Variants in TACC2 observed in about 807,000 individuals in gnomAD.
TACC2 encodes transforming acidic coiled-coil containing protein 2, also known as transforming acidic coiled-coil-containing protein 2.
A neutral mutation model predicts 227.3 loss-of-function variants in TACC2; 137 were observed. The ratio of observed to expected loss-of-function variants is 0.60; its 90% CI spans 0.52 to 0.69. The LOEUF (loss-of-function observed/expected upper bound fraction) is 0.69. TACC2 is among the 30% of genes least tolerant of loss of function. The pLI, the probability that TACC2 is intolerant of heterozygous loss-of-function variation, is 0.00. For missense variants in TACC2, 3,470 were observed against 3,694.4 expected (o/e 0.94, Z 1.57); for synonymous variants, 1,523 against 1,487.5 (o/e 1.02, Z -0.55).
Position 122,211,690 on chromosome 10 carries a change from A to G in TACC2, c.7265A>G (p.Lys2422Arg), listed in dbSNP as rs2095296180. The G allele has an allele frequency of 6.4e-7, 1 of 1,558,388 alleles. No homozygotes were observed. Residue 2422 changes from lysine to arginine, a missense_variant, in exon 9 of 23, where the codon AAG (lysine) becomes AGG (arginine). Coordinates refer to ENST00000369005, the MANE Select transcript of TACC2 (RefSeq NM_206862.4). ...GGGCTAAACAAGCCCGCCAAGAAGA[A>G]GAAGACGCCCCTAAAGACGTAAGTT... The part of the protein sequence containing the change: ...GDGLNKPAKK[K>R]KTPLKTDTFR...
At chr10:122,104,413 G>C (rs1019219606) in intron 5 of TACC2, among the ~76,000 whole-genome samples, 22 of 151,816 alleles carry the variant, frequency 1.4e-4, no homozygotes, top group Non-Finnish European at 3.1e-4. Context: ...CTGTCACCCA[G>C]GCTGGAGTGC....
At chr10:122,217,796 C>T (rs997339319) in intron 11 of TACC2, among the ~76,000 whole-genome samples, 5 of 151,960 alleles carry the variant, frequency 3.3e-5, no homozygotes, top group Non-Finnish European at 7.4e-5. Context: ...GGAGGGATGA[C>T]CCCATTGCCC....
chr10:122,249,793 G>A, intron 22 of TACC2, 129 bp downstream of exon 22: 1 of 1,157,422 alleles, frequency 8.6e-7, no homozygotes, highest in Non-Finnish European at 1.2e-6. Flanking sequence ...TGCTTCATGA[G>A]CATACCCTTG....
intron 3 of TACC2, among the ~76,000 whole-genome samples, chr10:122,070,924 G>GAA (rs552998858): frequency 7.0e-6 from 1 of 142,912 alleles, no homozygotes; most frequent in Admixed American, 7.0e-5. Context: ...ACCCTGTCTG[G>GAA]AAAAAAAAAA....
chr10:122,237,206 A>G (rs1303914303), intron 16 of TACC2, among the ~76,000 whole-genome samples, 189 bp from the exon 17 acceptor site: 1 of 152,160 alleles, frequency 6.6e-6, no homozygotes, highest in African/African-American at 2.4e-5. Context: ...CAGGTGCAGA[A>G]TGATAGATCT....
chr10:122,061,268 G>A (rs1196727320), intron 3 of TACC2, among the ~76,000 whole-genome samples: 1 of 112,108 alleles, frequency 8.9e-6, no homozygotes, highest in Non-Finnish European at 1.7e-5. Flanking sequence ...CCGAGATGGC[G>A]CCACTGCACT....
rs558428837 is a variant in TACC2, at chr10:122,125,507, T to C, written c.5574-7102T>C. Among the ~76,000 whole-genome samples the C allele has an allele frequency of 1.0e-3, 157 of 152,258 alleles. 5 individuals are homozygous for C. The South Asian group carries it at 0.032, about 31-fold the overall frequency. ...GAGCCACCATGCCCGTCCCATGACCTTTATGAGTACAGCTCCTTCACGCTG... is the reference window on the plus strand; with the variant it reads ...GAGCCACCATGCCCGTCCCATGACCCTTATGAGTACAGCTCCTTCACGCTG... On this transcript the variant is annotated intron_variant, in intron 5 of 22. Coordinates refer to ENST00000369005, the MANE Select transcript of TACC2 (RefSeq NM_206862.4).
intron 16 of TACC2, among the ~76,000 whole-genome samples, chr10:122,236,800 A>G (rs996833168): frequency 2.0e-5 from 3 of 152,238 alleles, no homozygotes; most frequent in Non-Finnish European, 4.4e-5. Context: ...TAACTCTAAC[A>G]TAACTCCAAC....
rs142742438 is a variant in TACC2 at position 122,010,715 on chromosome 10, C to A, written c.-45-11222C>A. ...ATCCTTTGGGATACAATGCTTAGAT[C>A]TTCATGACTGCCAGCCACAATTGGG... On this transcript the variant is annotated intron_variant, in intron 1 of 22. Transcript: ENST00000369005. Among the ~76,000 whole-genome samples the A allele has an allele frequency of 2.0e-3, 308 of 152,280 alleles. 2 individuals are homozygous for A. The highest frequency in any genetic ancestry group is 7.1e-3 in the African/African-American group (294 of 41,560).
chr10:122,178,672 C>T (rs539652411), intron 7 of TACC2, among the ~76,000 whole-genome samples: 2 of 152,244 alleles, frequency 1.3e-5, no homozygotes, highest in South Asian at 2.1e-4. Context: ...TCACTTAAGG[C>T]CAGGAATTTG....
intron 1 of TACC2, among the ~76,000 whole-genome samples, chr10:122,018,920 G>C (rs1957008843): frequency 6.6e-6 from 1 of 152,172 alleles, no homozygotes; most frequent in Non-Finnish European, 1.5e-5. Context: ...CCTGGTCTCC[G>C]GGAAGCCTTT....
intron 3 of TACC2, among the ~76,000 whole-genome samples, chr10:122,069,244 AT>A (rs141058517): frequency 0.023 from 3,433 of 149,072 alleles, 65 homozygotes; most frequent in African/African-American, 0.047. Flanking sequence ...TATTTTATTT[AT>A]TTTTTTTTTT....
At chr10:122,008,033 T>A (rs945100973) in intron 1 of TACC2, among the ~76,000 whole-genome samples, 3 of 152,184 alleles carry the variant, frequency 2.0e-5, no homozygotes, top group Non-Finnish European at 1.5e-5. Context: ...TGTGGCTCCT[T>A]AACCTTGGAT....
intron 5 of TACC2, among the ~76,000 whole-genome samples, chr10:122,094,698 T>G (rs1565289167): frequency 6.6e-6 from 1 of 152,212 alleles, no homozygotes; most frequent in Non-Finnish European, 1.5e-5. Context: ...TGCCACCACC[T>G]TGGCTTCTGG....
chr10:122,028,084 C>CTTTCTT (rs1554967439), intron 2 of TACC2, among the ~76,000 whole-genome samples: 18 of 91,740 alleles, frequency 2.0e-4, no homozygotes, highest in African/African-American at 8.6e-4. Flanking sequence ...TTCTTTCTTT[C>CTTTCTT]TTTTTTTTTT....
intron 5 of TACC2, among the ~76,000 whole-genome samples, chr10:122,099,620 C>T (rs1417542120): frequency 1.3e-5 from 2 of 152,208 alleles, no homozygotes; most frequent in Non-Finnish European, 2.9e-5. Context: ...CAAGCACTGG[C>T]CCAACTGGCT....
intron 8 of TACC2, among the ~76,000 whole-genome samples, chr10:122,195,427 T>C (rs1372351647): frequency 6.6e-6 from 1 of 152,210 alleles, no homozygotes; most frequent in African/African-American, 2.4e-5. Context: ...AGGAGGGCAG[T>C]GGGTCTCGGA....
In TACC2 at chr10:122,086,096, A is replaced by G. The variant is rs1270778148; in HGVS notation, c.3596A>G (p.Glu1199Gly). 7 of 1,613,592 alleles carry G rather than the reference A, an allele frequency of 4.3e-6. No homozygotes were observed. Among genetic ancestry groups the G allele is most frequent in the Non-Finnish European group, 5.9e-6 (7 of 1,180,016 alleles). ...CAGGATGCCTTGCTGCCAGCCAGAG[A>G]GCTGGGTGGGATTCCCAGGAGCACC... The part of the protein sequence containing the change: ...SCQDALLPAR[E>G]LGGIPRSTMD... The change falls in exon 4 of 23, where the codon GAG becomes GGG. Residue 1199 changes from glutamate (E) to glycine (G), a missense_variant. Coordinates refer to ENST00000369005, the MANE Select transcript of TACC2 (RefSeq NM_206862.4).
Position 122,229,467 on chromosome 10 carries a change from T to C in TACC2, c.8018T>C (p.Leu2673Pro), listed in dbSNP as rs1344731089. 2 of 1,614,038 alleles carry C rather than the reference T, an allele frequency of 1.2e-6. No individual in the cohort carries two copies. The highest frequency in any genetic ancestry group is 1.7e-5 in the Admixed American group (1 of 60,004). ...EPDLAEKNPP[L>P]FAQKLQEELE... ...GACTTAGCAGAAAAGAACCCCCCAC[T>C]ATTCGCTCAGAAACTCCAGGTTTGT... Residue 2673 changes from leucine (L) to proline (P), a missense_variant, in exon 15 of 23, where the codon CTA (leucine) becomes CCA (proline). Coordinates refer to ENST00000369005, the MANE Select transcript of TACC2 (RefSeq NM_206862.4).
Sources: gnomAD v4.1 joint callset for allele counts (sites outside exome capture counted in the v4.1 genomes callset) on GRCh38, gnomAD v4.1.1 for gene constraint, MANE v1.5 for transcripts, NCBI Gene and HGNC (gene_info 2026-07-23, HGNC 2026-07-21) for gene names.